Variants in MYO10 observed in about 807,000 individuals in gnomAD.
The protein encoded by MYO10 is unconventional myosin-X.
In MYO10, 133 loss-of-function variants were observed where a neutral mutation model predicts 257.3. The ratio of observed to expected loss-of-function variants is 0.52; its 90% confidence interval spans 0.45 to 0.60. MYO10 has a LOEUF of 0.60. MYO10 is among the 20% of genes least tolerant of loss of function. The pLI is 0.00. For missense variants in MYO10, 2,399 were observed against 2,635.7 expected, an observed-to-expected ratio of 0.91 and a Z score of 1.97; for synonymous variants, 1,104 against 1,028.6, an observed-to-expected ratio of 1.07 and a Z score of -1.40.
At chr5:16,713,995 T>C (rs898322281) in intron 19 of MYO10, among the ~76,000 whole-genome samples, 7 of 152,192 alleles carry the variant, frequency 4.6e-5, no homozygotes, top group African/African-American at 1.7e-4. Context: ...TTACAGTCAC[T>C]TGATCCATTT....
intron 39 of MYO10, 117 bp from the exon 40 acceptor site, chr5:16,668,585 G>T: frequency 1.3e-6 from 1 of 761,370 alleles, no homozygotes; most frequent in Non-Finnish European, 2.0e-6. Flanking sequence ...AAATATATTC[G>T]ATGTGCATGC....
At chr5:16,810,733 C>G (rs899670573) in intron 3 of MYO10, among the ~76,000 whole-genome samples, 1 of 152,096 alleles carries the variant, frequency 6.6e-6, no homozygotes, top group Non-Finnish European at 1.5e-5. Context: ...TATGATCACA[C>G]CATTGCACTC....
chr5:16,796,732 T>C (rs1193969145), intron 3 of MYO10, among the ~76,000 whole-genome samples: 2 of 152,218 alleles, frequency 1.3e-5, no homozygotes, highest in African/African-American at 4.8e-5. Context: ...TCGTACAGTG[T>C]GTCTAGGGCT....
intron 3 of MYO10, among the ~76,000 whole-genome samples, chr5:16,809,451 G>C (rs989182254): frequency 3.3e-5 from 5 of 152,358 alleles, no homozygotes; most frequent in African/African-American, 1.2e-4. Context: ...TTCCCAAACA[G>C]TCCAGTCCAC....
rs998566035 is a variant in MYO10, at chr5:16,673,779, T to G, written c.5075A>C (p.Glu1692Ala). The stretch of plus-strand genomic sequence containing the variant: ...CATTTCCTGCCTGTGGATCAGAGCT[T>G]CTATTTCATCTCGGGAAGGCACAAA... ...REFVPSRDEI[E>A]ALIHRQEMTS... Residue 1692 changes from glutamate to alanine, a missense_variant, in exon 36 of 41, where the codon GAA (glutamate) becomes GCA (alanine). By Grantham distance (107) the Glu-to-Ala change is moderately radical (BLOSUM62 -1). Around this residue, in one of 3 missense-constraint regions of MYO10, gnomAD observed 1,820 missense variants for 1,939.4 expected, o/e 0.94. Transcript: ENST00000513610. 1.2e-6 allele frequency: 2 copies of G among 1,614,004 alleles called. No individual in the cohort carries two copies. Among genetic ancestry groups the G allele is most frequent in the Non-Finnish European group, 1.7e-6 (2 of 1,179,892 alleles).
At chr5:16,851,790 T>C (rs372339231) in intron 2 of MYO10, among the ~76,000 whole-genome samples, 312 of 152,192 alleles carry the variant, frequency 2.1e-3, no homozygotes, top group African/African-American at 6.1e-3. Context: ...TGGTGGCTCA[T>C]GCCTGTAATC....
chr5:16,698,918 C>T (rs957659128), intron 26 of MYO10, among the ~76,000 whole-genome samples: 16 of 152,080 alleles, frequency 1.1e-4, no homozygotes, highest in Non-Finnish European at 2.2e-4. Context: ...CCACCACGCC[C>T]GGCCGAGAAC....
At chr5:16,805,376 C>T (rs1157522352) in intron 3 of MYO10, among the ~76,000 whole-genome samples, 2 of 147,312 alleles carry the variant, frequency 1.4e-5, no homozygotes, top group African/African-American at 2.5e-5. Flanking sequence ...GCAGGAGAAT[C>T]GCTTGAACCC....
intron 1 of MYO10, among the ~76,000 whole-genome samples, chr5:16,893,772 A>T (rs1348985116): frequency 6.6e-6 from 1 of 152,150 alleles, no homozygotes; most frequent in African/African-American, 2.4e-5. Flanking sequence ...ATAAATAAAT[A>T]AATAAGTGGG....
intron 30 of MYO10, among the ~76,000 whole-genome samples, chr5:16,682,752 G>A (rs568041874): frequency 6.6e-6 from 1 of 151,856 alleles, no homozygotes; most frequent in South Asian, 2.1e-4. Flanking sequence ...CAGGACACAG[G>A]AAAAGCTATG....
rs193269683 is a variant in MYO10, at chr5:16,787,171, G to A, written c.468-3702C>T. Among the ~76,000 whole-genome samples the A allele has an allele frequency of 5.1e-3, 766 of 151,218 alleles. 18 individuals carry two copies. Among genetic ancestry groups the A allele is most frequent in the Admixed American group, 0.044 (674 of 15,254 alleles). Reference sequence around the variant, plus strand: ...GTGACAGAGCGAGACCCAAGACCCTGTCTCTCTTTTTTTTTGAATGATTCT... The same window carrying A: ...GTGACAGAGCGAGACCCAAGACCCTATCTCTCTTTTTTTTTGAATGATTCT... On this transcript the variant is annotated intron_variant, in intron 4 of 40. Coordinates refer to ENST00000513610, the MANE Select transcript of MYO10 (RefSeq NM_012334.3).
At chr5:16,857,117 T>A (rs1477330945) in intron 2 of MYO10, among the ~76,000 whole-genome samples, 1 of 152,204 alleles carries the variant, frequency 6.6e-6, no homozygotes, top group Admixed American at 6.5e-5. Flanking sequence ...GAGAGCTTCC[T>A]TGGAAATGTG....
At chr5:16,761,582 G>T in intron 16 of MYO10, 36 bp from the exon 17 acceptor site, 2 of 1,491,640 alleles carry the variant, frequency 1.3e-6, no homozygotes, top group South Asian at 2.3e-5. Flanking sequence ...AAAACTGATT[G>T]AAAGAATAGT....
At chr5:16,669,538 C>A (rs192673875) in intron 39 of MYO10, among the ~76,000 whole-genome samples, 1 of 152,156 alleles carries the variant, frequency 6.6e-6, no homozygotes, top group Admixed American at 6.6e-5. Flanking sequence ...TCACAGCTCA[C>A]GTTTTGCAGG....
intron 3 of MYO10, among the ~76,000 whole-genome samples, chr5:16,796,669 G>A (rs1741983011): frequency 6.6e-6 from 1 of 152,168 alleles, no homozygotes; most frequent in African/African-American, 2.4e-5. Context: ...GGTGGGAGCA[G>A]AGAGTCCTGC....
chr5:16,869,720 C>T (rs577639185), intron 2 of MYO10, among the ~76,000 whole-genome samples: 2 of 151,238 alleles, frequency 1.3e-5, no homozygotes, highest in Non-Finnish European at 2.9e-5. Context: ...CAAAAATTAG[C>T]CGGGCGTGCT....
intron 28 of MYO10, among the ~76,000 whole-genome samples, chr5:16,687,496 C>A (rs192608677): frequency 1.3e-5 from 2 of 151,228 alleles, no homozygotes; most frequent in African/African-American, 4.9e-5. Flanking sequence ...CCTTCTCCTG[C>A]TGGGGGCTTA....
chr5:16,761,920 T>C, intron 16 of MYO10, 125 bp downstream of exon 16: 6 of 1,018,590 alleles, frequency 5.9e-6, no homozygotes, highest in Non-Finnish European at 8.3e-6. Context: ...CCCAAAGTAC[T>C]GGGACTGTAG....
At chr5:16,829,964 G>T (rs962492322) in intron 2 of MYO10, among the ~76,000 whole-genome samples, 1 of 152,120 alleles carries the variant, frequency 6.6e-6, no homozygotes, top group Non-Finnish European at 1.5e-5. Flanking sequence ...AACCAGCCAG[G>T]TGCGGTGGCT....
Sources: allele counts gnomAD v4.1 joint callset (sites outside exome capture counted in the v4.1 genomes callset), GRCh38; gene constraint gnomAD v4.1.1; regional missense constraint gnomAD v4.1.1; transcripts MANE v1.5; gene names NCBI Gene and HGNC (gene_info 2026-07-23, HGNC 2026-07-21).